Variants in COX7A2L observed in about 807,000 individuals in gnomAD.
The protein encoded by COX7A2L is cytochrome c oxidase subunit 7A2 like.
COX7A2L carries 18 observed loss-of-function variants against 14.2 expected under a neutral mutation model. The observed-to-expected ratio is 1.27, with a 90% CI of 0.88 to 1.88. The LOEUF is 1.88. Among genes scored for constraint, COX7A2L ranks in the 40% most tolerant of loss-of-function variants. The probability of loss-of-function intolerance (pLI) is 0.00; values close to 1 mark genes in which losing one functional copy is unlikely to be tolerated. For synonymous variants in COX7A2L, 65 were observed against 57.4 expected, an observed-to-expected ratio of 1.13 and a Z score of -0.60; for missense variants, 179 against 138.8, an observed-to-expected ratio of 1.29 and a Z score of -1.46.
At chr2:42,368,308 G>A (rs1671206571) in intron 1 of COX7A2L, among the ~76,000 whole-genome samples, 1 of 152,076 alleles carries the variant, frequency 6.6e-6, no homozygotes, top group Non-Finnish European at 1.5e-5. Context: ...AAGAAATATT[G>A]AGAGCATTAC....
chr2:42,365,239 G>C (rs1009612796), upstream of COX7A2L, among the ~76,000 whole-genome samples: 1 of 152,198 alleles, frequency 6.6e-6, no homozygotes, highest in Non-Finnish European at 1.5e-5. Flanking sequence ...TCTCATCATT[G>C]AGGATTCCCA....
upstream of COX7A2L, among the ~76,000 whole-genome samples, chr2:42,366,147 G>T (rs548983186): frequency 6.6e-6 from 1 of 152,032 alleles, no homozygotes; most frequent in Non-Finnish European, 1.5e-5. Flanking sequence ...AACAAGGGGC[G>T]GGCTGGGTGT....
At chr2:42,363,440 C>T (rs1273380777), upstream of COX7A2L, among the ~76,000 whole-genome samples, 1 of 152,226 alleles carries the variant, frequency 6.6e-6, no homozygotes, top group Admixed American at 6.5e-5. Context: ...CTTTTAGCAG[C>T]ACTAAGGTGT....
At chr2:42,348,240 G>C (rs904490706), downstream of COX7A2L, among the ~76,000 whole-genome samples, 7 of 152,212 alleles carry the variant, frequency 4.6e-5, no homozygotes, top group Middle Eastern at 3.2e-3. Context: ...AACTACCTTA[G>C]TAATAATTCA....
intron 1 of COX7A2L, among the ~76,000 whole-genome samples, chr2:42,355,151 G>C (rs1047969196): frequency 6.6e-6 from 1 of 152,202 alleles, no homozygotes; most frequent in Non-Finnish European, 1.5e-5. Context: ...AGTTTGGTCA[G>C]TAAGATGTTG....
downstream of COX7A2L, among the ~76,000 whole-genome samples, chr2:42,347,575 G>A (rs1040723643): frequency 6.6e-6 from 1 of 152,108 alleles, no homozygotes; most frequent in Non-Finnish European, 1.5e-5. Context: ...TAAGCTACAA[G>A]TGAGATTTGG....
In COX7A2L at chr2:42,361,122, C is replaced by A. The variant is rs1355323250; in HGVS notation, c.40G>T (p.Gly14Ter). The A allele has an allele frequency of 6.2e-7, 1 of 1,613,862 alleles. No individual in the cohort carries two copies. The highest frequency in any genetic ancestry group is 1.1e-5 in the South Asian group (1 of 91,020). Residue 14 changes from glycine (G) to a stop codon, truncating the protein, a stop_gained, in exon 1 of 3, where the codon GGA becomes TGA. Transcript: ENST00000234301. LOFTEE classifies it high-confidence loss of function. ...CTATAGGCCTCCGAAGCCCATGCTC[C>A]TGCCAACTTCTGCGTGAAGCCACTA... Reference protein sequence around the residue: ...KFSGFTQKLAGAWASEAYSPQ... With the variant: ...KFSGFTQKLA
rs1411841198 is a variant in COX7A2L at position 42,350,649 on chromosome 2, T to G, written c.*570A>C. On this transcript the variant is annotated 3_prime_UTR_variant, in exon 3 of 3. Coordinates refer to ENST00000234301, the MANE Select transcript of COX7A2L (RefSeq NM_004718.4). Reference sequence around the variant, plus strand: ...TGCAACACTAAACAGGTATTCTCTGTTCCCACGGTGGAATAATTACACATA... The same window carrying G: ...TGCAACACTAAACAGGTATTCTCTGGTCCCACGGTGGAATAATTACACATA... The G allele has an allele frequency of 7.9e-6, 1 of 125,918 alleles. No individual in the cohort carries two copies. Among genetic ancestry groups the G allele is most frequent in the Non-Finnish European group, 1.7e-5 (1 of 59,566 alleles). 7.8% of individuals were successfully genotyped at this position (125,918 alleles called of 1,614,324 possible).
In COX7A2L at chr2:42,339,741, C is replaced by T. The variant is rs1392756598; in HGVS notation, c.193-5872G>A. Among the ~76,000 whole-genome samples the T allele has an allele frequency of 6.6e-6, 1 of 152,200 alleles. No individual in the cohort carries two copies. Among genetic ancestry groups the T allele is most frequent in the East Asian group, 1.9e-4 (1 of 5,198 alleles). ...GAAGACCTGGGATGCTGCCAGCACT[C>T]AGAAGTCGGCCTGTGACCCGCTCCT... On this transcript the variant is annotated intron_variant, in intron 2 of 2. Transcript: ENST00000468711. This position sits in a 1 kb window ranked among gnomAD's most constrained non-coding sequence, Gnocchi z 5.4.
chr2:42,353,496 G>T (rs1313488808), intron 1 of COX7A2L, among the ~76,000 whole-genome samples, 153 bp from the exon 2 acceptor site: 1 of 152,200 alleles, frequency 6.6e-6, no homozygotes, highest in Non-Finnish European at 1.5e-5. Flanking sequence ...CATTACGATT[G>T]CAGGGGGCGT....
chr2:42,337,416 TAC>T (rs1350726351), intron 2 of COX7A2L, among the ~76,000 whole-genome samples: 1 of 151,918 alleles, frequency 6.6e-6, no homozygotes, highest in Non-Finnish European at 1.5e-5. Flanking sequence ...ATGACAAAAC[TAC>T]AGAGACAGAG....
rs1671028775 is a variant in COX7A2L at position 42,361,199 on chromosome 2, G to A, written c.-38C>T. On this transcript the variant is annotated 5_prime_UTR_variant, in exon 1 of 3. Transcript: ENST00000234301. Reference sequence around the variant, plus strand: ...CCGGCTTCCCGCATCCGCTGCCAACGCGACCGCCCCAGAGAAGGACCCCGC... The same window carrying A: ...CCGGCTTCCCGCATCCGCTGCCAACACGACCGCCCCAGAGAAGGACCCCGC... 1.3e-6 allele frequency: 2 copies of A among 1,567,298 alleles called. No homozygotes were observed. Among genetic ancestry groups the A allele is most frequent in the African/African-American group, 1.3e-5 (1 of 74,180 alleles).
At chr2:42,368,084 G>C (rs1671202372) in intron 1 of COX7A2L, among the ~76,000 whole-genome samples, 1 of 152,264 alleles carries the variant, frequency 6.6e-6, no homozygotes, top group Non-Finnish European at 1.5e-5. Flanking sequence ...GGAATGCAGA[G>C]CCTGTAAATC....
intron 1 of COX7A2L, among the ~76,000 whole-genome samples, chr2:42,357,250 C>T (rs1670851257): frequency 6.6e-6 from 1 of 152,130 alleles, no homozygotes; most frequent in South Asian, 2.1e-4. Context: ...ATGAACTTTT[C>T]CACTGTGATT....
intron 2 of COX7A2L, among the ~76,000 whole-genome samples, chr2:42,344,052 G>C (rs1399854900): frequency 6.6e-6 from 1 of 152,108 alleles, no homozygotes; most frequent in East Asian, 1.9e-4. Flanking sequence ...GTGTAAAGTA[G>C]CCATTTTCAA....
At chr2:42,357,557 C>T (rs1362020489) in intron 1 of COX7A2L, among the ~76,000 whole-genome samples, 1 of 152,084 alleles carries the variant, frequency 6.6e-6, no homozygotes, top group African/African-American at 2.4e-5. Flanking sequence ...AGCAATTCTC[C>T]TGCCCTGGCC....
chr2:42,366,490 C>T (rs1671168387), intron 1 of COX7A2L, among the ~76,000 whole-genome samples: 2 of 152,194 alleles, frequency 1.3e-5, no homozygotes, highest in Non-Finnish European at 2.9e-5. Context: ...TCCAACCCTG[C>T]ACTAGATTTA....
At chr2:42,364,992 C>G (rs1307479393), upstream of COX7A2L, among the ~76,000 whole-genome samples, 2 of 152,136 alleles carry the variant, frequency 1.3e-5, no homozygotes, top group African/African-American at 2.4e-5. Flanking sequence ...GGATTTAACT[C>G]AATTTTGACA....
At position 42,339,807 on chromosome 2, in the gene COX7A2L, G is replaced by C. The variant is rs936623726; in HGVS notation, c.193-5938C>G. 2.4e-4 allele frequency among the ~76,000 whole-genome samples: 36 copies of C among 152,084 alleles called. No individual in the cohort carries two copies. Among genetic ancestry groups the C allele is most frequent in the African/African-American group, 8.7e-4 (36 of 41,394 alleles). On this transcript the variant is annotated intron_variant, in intron 2 of 2. Transcript: ENST00000468711. The surrounding 1 kb of genome is among the most constrained non-coding windows in gnomAD (Gnocchi z 5.4). ...AGGGCAGCCTCGACTCTGCCCTCCTGTCGCCACTGAAGACTTTGGTTTGGT... is the reference window on the plus strand; with the variant it reads ...AGGGCAGCCTCGACTCTGCCCTCCTCTCGCCACTGAAGACTTTGGTTTGGT...
Sources: allele counts gnomAD v4.1 joint callset (sites outside exome capture counted in the v4.1 genomes callset), GRCh38; gene constraint gnomAD v4.1.1; non-coding constraint Gnocchi (gnomAD v3.1); transcripts MANE v1.5; gene names NCBI Gene and HGNC (gene_info 2026-07-23, HGNC 2026-07-21).